Variants in DENND5B observed in about 807,000 individuals in gnomAD.
The protein encoded by DENND5B is DENN domain containing 5B, also known as DENN domain-containing protein 5B.
A neutral mutation model predicts 140.6 loss-of-function variants in DENND5B; 34 were observed. That is an observed-to-expected ratio of 0.24 (90% CI 0.18 to 0.32). The LOEUF (loss-of-function observed/expected upper bound fraction) is 0.32, where lower values mean the gene tolerates loss of function less well. Ranked by LOEUF, DENND5B falls within the 10% of genes least tolerant of loss-of-function variation. The pLI is 1.00. For missense variants in DENND5B, 1,142 were observed against 1,560.2 expected, an observed-to-expected ratio of 0.73 and a Z score of 4.52; for synonymous variants, 551 against 562.1, an observed-to-expected ratio of 0.98 and a Z score of 0.28.
At chr12:31,566,880 G>C (rs947260059) in intron 1 of DENND5B, among the ~76,000 whole-genome samples, 1 of 152,158 alleles carries the variant, frequency 6.6e-6, no homozygotes, top group Admixed American at 6.5e-5. Context: ...TGGAACATTA[G>C]CTGGGTTCGG....
chr12:31,447,795 T>TC, intron 5 of DENND5B, 26 bp from the exon 6 acceptor site: 1 of 1,503,654 alleles, frequency 6.7e-7, no homozygotes, highest in Non-Finnish European at 9.1e-7. Context: ...TAGGAAATTA[T>TC]TAGTGCAAAG....
chr12:31,519,712 CTTAA>C (rs934874219), intron 1 of DENND5B, among the ~76,000 whole-genome samples: 2 of 152,186 alleles, frequency 1.3e-5, no homozygotes, highest in Non-Finnish European at 2.9e-5. Context: ...TGTCTGCTCA[CTTAA>C]TTCTCATTAA....
In DENND5B at chr12:31,494,200, CCACCTACCTACCTACCTACCT is replaced by C. The variant is rs1241363392; in HGVS notation, c.237+1589_237+1609del. Among the ~76,000 whole-genome samples the C allele has an allele frequency of 1.1e-4, 8 of 70,218 alleles. No homozygotes were observed. In the Admixed American group the frequency reaches 1.3e-3, roughly 12 times the overall value. 46.1% of individuals were successfully genotyped at this position (70,218 alleles called of 152,430 possible). A position where few individuals can be genotyped will look rare whatever the true frequency, so the allele number is the denominator to read the frequency against. On this transcript the variant is annotated intron_variant, in intron 2 of 20. Coordinates refer to ENST00000389082, the MANE Select transcript of DENND5B (RefSeq NM_144973.4). ...TCTATCTATCCATCCATCCATCCATCCACCTACCTACCTACCTACCTCTACCTACCTACCTACCTACCTACC... is the reference window on the plus strand; with the variant it reads ...TCTATCTATCCATCCATCCATCCATCCTACCTACCTACCTACCTACCTACC...
At chr12:31,456,079 C>T (rs1026752880) in intron 4 of DENND5B, among the ~76,000 whole-genome samples, 14 of 151,844 alleles carry the variant, frequency 9.2e-5, no homozygotes, top group Admixed American at 6.6e-5. Flanking sequence ...CCTGTAATCC[C>T]AGCACTTTGG....
At chr12:31,547,603 G>T (rs1276021143) in intron 1 of DENND5B, among the ~76,000 whole-genome samples, 1 of 151,900 alleles carries the variant, frequency 6.6e-6, no homozygotes, top group Admixed American at 6.6e-5. Context: ...TCATCATATT[G>T]GTCAGGCTGG....
At chr12:31,496,621 T>G (rs1217146870) in intron 1 of DENND5B, among the ~76,000 whole-genome samples, 2 of 152,134 alleles carry the variant, frequency 1.3e-5, no homozygotes, top group African/African-American at 4.8e-5. Flanking sequence ...CCCAGAACTT[T>G]GGGAGGCTGA....
At chr12:31,551,377 A>G (rs141047106) in intron 1 of DENND5B, among the ~76,000 whole-genome samples, 2 of 152,098 alleles carry the variant, frequency 1.3e-5, no homozygotes, top group African/African-American at 4.8e-5. Context: ...AGTTGTAGAT[A>G]TGCGGCATTA....
intron 4 of DENND5B, 115 bp downstream of exon 4, chr12:31,460,079 T>G: frequency 2.0e-6 from 2 of 1,024,538 alleles, no homozygotes; most frequent in Non-Finnish European, 2.8e-6. Context: ...TACTTGGAGA[T>G]TTAGGAGAGT....
intron 1 of DENND5B, among the ~76,000 whole-genome samples, chr12:31,566,806 T>C (rs571877204): frequency 1.3e-5 from 2 of 152,162 alleles, no homozygotes; most frequent in African/African-American, 2.4e-5. Flanking sequence ...TAGCAGGCAG[T>C]TCAACATCAG....
intron 1 of DENND5B, among the ~76,000 whole-genome samples, chr12:31,510,330 C>A (rs1248471005): frequency 1.3e-5 from 2 of 152,056 alleles, no homozygotes; most frequent in Non-Finnish European, 2.9e-5. Context: ...TATTCTTATT[C>A]TTTGAGATGG....
chr12:31,393,933 G>A (rs1941291142), intron 17 of DENND5B, among the ~76,000 whole-genome samples: 1 of 151,172 alleles, frequency 6.6e-6, no homozygotes, highest in South Asian at 2.1e-4. Context: ...CAGGTGATCC[G>A]CCCACCTCAG....
At chr12:31,412,694 G>C (rs750261848) in intron 13 of DENND5B, among the ~76,000 whole-genome samples, 1 of 152,178 alleles carries the variant, frequency 6.6e-6, no homozygotes, top group Non-Finnish European at 1.5e-5. Context: ...CCCTAAACTA[G>C]TGAATGCAAG....
chr12:31,420,484 C>T (rs1042246499), intron 11 of DENND5B, among the ~76,000 whole-genome samples: 3 of 151,066 alleles, frequency 2.0e-5, no homozygotes, highest in Non-Finnish European at 2.9e-5. Flanking sequence ...TGCTCTGTTG[C>T]CCAAGCTGGA....
chr12:31,401,472 T>C (rs1174493355), intron 15 of DENND5B, among the ~76,000 whole-genome samples: 2 of 152,124 alleles, frequency 1.3e-5, no homozygotes, highest in Non-Finnish European at 2.9e-5. Flanking sequence ...CCAAGGAACA[T>C]GAGAATGGGA....
intron 1 of DENND5B, among the ~76,000 whole-genome samples, chr12:31,588,475 G>C (rs1320608863): frequency 2.0e-5 from 3 of 152,176 alleles, no homozygotes; most frequent in Admixed American, 6.6e-5. Context: ...TACAATGGTT[G>C]CATCTGTACT....
At chr12:31,539,530 T>A (rs991861374) in intron 1 of DENND5B, among the ~76,000 whole-genome samples, 3 of 152,294 alleles carry the variant, frequency 2.0e-5, no homozygotes, top group South Asian at 4.2e-4. Context: ...TCATTCATCA[T>A]GACTAAATAG....
At chr12:31,589,389 T>A (rs1950520773) in intron 1 of DENND5B, among the ~76,000 whole-genome samples, 3 of 151,508 alleles carry the variant, frequency 2.0e-5, no homozygotes, top group Admixed American at 2.0e-4. Context: ...TCTCTCCAAA[T>A]TTTTTTTTAA....
chr12:31,543,156 G>A (rs542270166), intron 1 of DENND5B, among the ~76,000 whole-genome samples: 78 of 152,200 alleles, frequency 5.1e-4, no homozygotes, highest in Non-Finnish European at 6.5e-4. Flanking sequence ...TACAGTGAGC[G>A]TTGACCGGGC....
chr12:31,590,837 G>T lies in DENND5B; in HGVS notation c.-5C>A, dbSNP rs1461215712. 4.0e-6 allele frequency: 5 copies of T among 1,237,390 alleles called. No individual in the cohort carries two copies. The Admixed American group carries it at 1.3e-4, about 33-fold the overall frequency. The allele number at this position is 1,237,390 out of a possible 1,614,324, so 76.7% of individuals were successfully genotyped here. A position where few individuals can be genotyped will look rare whatever the true frequency, so the allele number is the denominator to read the frequency against. On this transcript the variant is annotated 5_prime_UTR_variant, in exon 1 of 21. Transcript: ENST00000389082. Reference sequence around the variant, plus strand: ...CGCCGCGCAGCTCCCGCTCATCCCGGCCGCGCTGCTCCAGGGGCCGCCGCC... The same window carrying T: ...CGCCGCGCAGCTCCCGCTCATCCCGTCCGCGCTGCTCCAGGGGCCGCCGCC...
Sources: gnomAD v4.1 joint callset for allele counts (sites outside exome capture counted in the v4.1 genomes callset) on GRCh38, gnomAD v4.1.1 for gene constraint, MANE v1.5 for transcripts, NCBI Gene and HGNC (gene_info 2026-07-23, HGNC 2026-07-21) for gene names.